The following SHTN1 variants were observed in gnomAD, a reference collection of about 807,000 sequenced individuals.
SHTN1 encodes shootin 1.
Under a neutral mutation model 83.1 loss-of-function variants are expected in SHTN1, and 42 were observed. That is an observed-to-expected ratio of 0.51 (90% CI 0.39 to 0.65). The LOEUF (loss-of-function observed/expected upper bound fraction) is 0.65, where lower values mean the gene tolerates loss of function less well. SHTN1 is among the 30% of genes least tolerant of loss of function. The probability of loss-of-function intolerance (pLI) is 0.00; values close to 1 mark genes in which losing one functional copy is unlikely to be tolerated. For synonymous variants in SHTN1, 224 were observed against 247.7 expected (o/e 0.90, Z 0.90); for missense variants, 622 against 737.8 (o/e 0.84, Z 1.82).
chr10:117,033,348 A>G (rs1852448535), intron 2 of SHTN1, among the ~76,000 whole-genome samples: 1 of 152,176 alleles, frequency 6.6e-6, no homozygotes, highest in Non-Finnish European at 1.5e-5. Context: ...AAAAGGAGAC[A>G]TTACAACTGA....
At chr10:116,902,326 T>C (rs1847776975) in intron 15 of SHTN1, among the ~76,000 whole-genome samples, 1 of 152,222 alleles carries the variant, frequency 6.6e-6, no homozygotes, top group Non-Finnish European at 1.5e-5. Flanking sequence ...GAGTTAATTC[T>C]TCCCAAAACT....
chr10:117,091,463 T>G (rs1853429073), intron 1 of SHTN1, among the ~76,000 whole-genome samples: 1 of 152,188 alleles, frequency 6.6e-6, no homozygotes, highest in African/African-American at 2.4e-5. Flanking sequence ...GACCTTTCCT[T>G]TCAGAACAGA....
chr10:117,126,083 C>T (rs1326022003), intron 1 of SHTN1, among the ~76,000 whole-genome samples: 5 of 152,186 alleles, frequency 3.3e-5, no homozygotes, highest in Non-Finnish European at 5.9e-5. Flanking sequence ...GTCTGGAGGG[C>T]GGAGCGCTAG....
chr10:116,885,115 G>A lies in SHTN1; in HGVS notation c.*1229C>T, dbSNP rs976139420. ...CTCTTCAAGCCTATGCTTACCACACGTGCAAAAATACAATACAATACAACT... is the reference window on the plus strand; with the variant it reads ...CTCTTCAAGCCTATGCTTACCACACATGCAAAAATACAATACAATACAACT... On this transcript the variant is annotated 3_prime_UTR_variant, in exon 17 of 17. Transcript: ENST00000355371. 1.3e-5 allele frequency: 2 copies of A among 152,520 alleles called. No homozygotes were observed. The highest frequency in any genetic ancestry group is 2.9e-5 in the Non-Finnish European group (2 of 68,018). The allele number at this position is 152,520 out of a possible 1,614,324, so 9.4% of individuals were successfully genotyped here. A position where few individuals can be genotyped will look rare whatever the true frequency, so the allele number is the denominator to read the frequency against.
At chr10:117,100,414 T>C (rs1456628510) in intron 1 of SHTN1, among the ~76,000 whole-genome samples, 2 of 152,226 alleles carry the variant, frequency 1.3e-5, no homozygotes, top group Non-Finnish European at 2.9e-5. Context: ...TCTGGCCCTT[T>C]ATAGAAAAAT....
intron 2 of SHTN1, among the ~76,000 whole-genome samples, chr10:117,023,502 C>T (rs1163286463): frequency 1.3e-5 from 2 of 152,226 alleles, no homozygotes; most frequent in Non-Finnish European, 2.9e-5. Context: ...CAAGGGCATA[C>T]ACCTAGACTA....
intron 1 of SHTN1, among the ~76,000 whole-genome samples, chr10:117,070,184 T>A (rs1564949037): frequency 6.6e-6 from 1 of 152,074 alleles, no homozygotes; most frequent in Non-Finnish European, 1.5e-5. Flanking sequence ...AAGTCAATAT[T>A]AAGCATGTTA....
intron 1 of SHTN1, among the ~76,000 whole-genome samples, chr10:117,099,273 G>C (rs1853554849): frequency 6.6e-6 from 1 of 151,838 alleles, no homozygotes; most frequent in South Asian, 2.1e-4. Context: ...TACATATTGG[G>C]TACAGTGTAC....
chr10:117,063,151 T>A (rs907025212), intron 1 of SHTN1, among the ~76,000 whole-genome samples: 1 of 152,224 alleles, frequency 6.6e-6, no homozygotes, highest in African/African-American at 2.4e-5. Flanking sequence ...TTGTCTCCCA[T>A]TCCTACATTC....
upstream of SHTN1, chr10:117,005,554 C>T: frequency 1.0e-6 from 1 of 1,002,628 alleles, no homozygotes; most frequent in Non-Finnish European, 1.2e-6. Flanking sequence ...CCCAAAGAAC[C>T]ACAGAGGTAG....
At chr10:116,925,090 G>A (rs1848698518) in intron 11 of SHTN1, among the ~76,000 whole-genome samples, 1 of 152,172 alleles carries the variant, frequency 6.6e-6, no homozygotes, top group Non-Finnish European at 1.5e-5. Flanking sequence ...TGTTCGTCAT[G>A]TCCACTGTGA....
rs2133290200 is a variant in SHTN1 at position 116,883,725 on chromosome 10, T to C, written c.*2619A>G. On this transcript the variant is annotated 3_prime_UTR_variant, in exon 17 of 17. Transcript: ENST00000355371. ...TAAGGAAGGAGCAATTATTGGTGAG[T>C]AGTTAGAGCCAAAGCATCCATCCTC... The C allele has an allele frequency of 6.5e-6, 1 of 154,448 alleles. No homozygotes were observed. The highest frequency in any genetic ancestry group is 6.3e-5 in the Admixed American group (1 of 15,810). The allele number at this position is 154,448 out of a possible 1,614,324, so 9.6% of individuals were successfully genotyped here. A position where few individuals can be genotyped will look rare whatever the true frequency, so the allele number is the denominator to read the frequency against.
chr10:116,905,639 T>G (rs1371709912), intron 15 of SHTN1, among the ~76,000 whole-genome samples: 2 of 152,210 alleles, frequency 1.3e-5, no homozygotes, highest in African/African-American at 4.8e-5. Flanking sequence ...AACCCATCTT[T>G]AATATTCTTG....
At chr10:116,940,891 T>C (rs940033547) in intron 8 of SHTN1, among the ~76,000 whole-genome samples, 3 of 152,200 alleles carry the variant, frequency 2.0e-5, no homozygotes, top group African/African-American at 4.8e-5. Flanking sequence ...TTAATATTAA[T>C]AGTAGTAGCT....
rs1847087691 is a variant in SHTN1 at position 116,883,788 on chromosome 10, T to C, written c.*2556A>G. On this transcript the variant is annotated 3_prime_UTR_variant, in exon 17 of 17. Coordinates refer to ENST00000355371, the MANE Select transcript of SHTN1 (RefSeq NM_001127211.3). ...AAACTATGCTGGGTGCTAATAGCCC[T>C]GTTGATGCCTGCCAGTCAGAACTTC... 6.1e-6 allele frequency: 1 copy of C among 164,366 alleles called. No homozygotes were observed. Among genetic ancestry groups the C allele is most frequent in the African/African-American group, 2.4e-5 (1 of 41,482 alleles). 10.2% of individuals were successfully genotyped at this position (164,366 alleles called of 1,614,324 possible). A position where few individuals can be genotyped will look rare whatever the true frequency, so the allele number is the denominator to read the frequency against.
chr10:116,950,163 C>T (rs1331686058), intron 6 of SHTN1, among the ~76,000 whole-genome samples: 1 of 152,016 alleles, frequency 6.6e-6, no homozygotes, highest in African/African-American at 2.4e-5. Flanking sequence ...TATGGATGTT[C>T]ATTAAAAATA....
intron 1 of SHTN1, among the ~76,000 whole-genome samples, chr10:117,001,570 GT>G (rs1288508250): frequency 6.6e-6 from 1 of 152,090 alleles, no homozygotes; most frequent in African/African-American, 2.4e-5. Context: ...ACTGGTTCAA[GT>G]TTTAGACTTA....
intron 1 of SHTN1, among the ~76,000 whole-genome samples, chr10:117,060,260 T>C (rs1001606065): frequency 6.6e-6 from 1 of 152,134 alleles, no homozygotes; most frequent in Non-Finnish European, 1.5e-5. Flanking sequence ...TATTGTGATT[T>C]TTCATTTTAA....
At chr10:117,044,042 A>T (rs1024836676) in intron 2 of SHTN1, among the ~76,000 whole-genome samples, 2 of 152,168 alleles carry the variant, frequency 1.3e-5, no homozygotes, top group African/African-American at 2.4e-5. Flanking sequence ...TCTGTAGTTC[A>T]AATGCCAGGT....
Sources: allele counts gnomAD v4.1 joint callset (sites outside exome capture counted in the v4.1 genomes callset), GRCh38; gene constraint gnomAD v4.1.1; transcripts MANE v1.5; gene names NCBI Gene and HGNC (gene_info 2026-07-23, HGNC 2026-07-21).